The following PFKL variants were observed in gnomAD, a reference collection of about 807,000 sequenced individuals.
The protein encoded by PFKL is ATP-dependent 6-phosphofructokinase, liver type.
In PFKL, 74 loss-of-function variants were observed where a neutral mutation model predicts 92.1. That is an observed-to-expected ratio of 0.80 (90% CI 0.67 to 0.97). PFKL has a LOEUF of 0.97. Ranked by LOEUF, PFKL falls within the 50% of genes least tolerant of loss-of-function variation. The pLI, the probability that PFKL is intolerant of heterozygous loss-of-function variation, is 0.00. For synonymous variants in PFKL, 494 were observed against 456.4 expected, an observed-to-expected ratio of 1.08 and a Z score of -1.05; for missense variants, 1,028 against 1,116.6, an observed-to-expected ratio of 0.92 and a Z score of 1.13.
chr21:44,307,331 A>AT, intron 2 of PFKL: 1 of 984,498 alleles, frequency 1.0e-6, no homozygotes, highest in Non-Finnish European at 1.2e-6. Context: ...CGTCCTGGGT[A>AT]TTTACACACC....
Position 44,312,412 on chromosome 21 carries a change from G to C in PFKL, c.427+118G>C, listed in dbSNP as rs535417269. On this transcript the variant is annotated intron_variant, in intron 4 of 21. Coordinates refer to ENST00000349048, the MANE Select transcript of PFKL (RefSeq NM_002626.6). The stretch of plus-strand genomic sequence containing the variant: ...CCCTGGGTGCCCCGAGGCAGAGGAG[G>C]GGCTGTCTGGCCGTTGGCCGGGGAG... 98 of 960,420 alleles carry C rather than the reference G, an allele frequency of 1.0e-4. No homozygotes were observed. The African/African-American group carries it at 1.5e-3, about 15-fold the overall frequency. The allele number at this position is 960,420 out of a possible 1,614,324, so 59.5% of individuals were successfully genotyped here.
At chr21:44,318,301 G>A (rs941303955) in intron 9 of PFKL, among the ~76,000 whole-genome samples, 169 bp from the exon 10 acceptor site, 1 of 152,240 alleles carries the variant, frequency 6.6e-6, no homozygotes, top group African/African-American at 2.4e-5. Context: ...CTGGTGTGCC[G>A]TCGTGAATGC....
At position 44,314,003 on chromosome 21, in the gene PFKL, G is replaced by A. The variant is rs1340328302; in HGVS notation, c.729G>A (p.Met243Ile). 1.2e-6 allele frequency: 2 copies of A among 1,606,506 alleles called. No individual in the cohort carries two copies. The highest frequency in any genetic ancestry group is 1.7e-5 in the Admixed American group (1 of 58,918). The change falls in exon 7 of 22, where the codon ATG becomes ATA. Residue 243 changes from methionine (M) to isoleucine (I), a missense_variant. Coordinates refer to ENST00000349048, the MANE Select transcript of PFKL (RefSeq NM_002626.6). ...CCGAGGACGGCTGGGAGAACTTCAT[G>A]TGTGAGAGGCTGGGTGAGGTGGGTG... ...APPEDGWENF[M>I]CERLGETRSR...
chr21:44,315,237 C>T (rs2047172089), intron 7 of PFKL: 1 of 152,312 alleles, frequency 6.6e-6, no homozygotes, highest in African/African-American at 2.4e-5. Context: ...ATTGGGCCCT[C>T]CTGGAAGTGG....
chr21:44,300,295 G>T, intron 1 of PFKL, 105 bp downstream of exon 1: 1 of 418,808 alleles, frequency 2.4e-6, no homozygotes, highest in Non-Finnish European at 3.3e-6. Context: ...TCTCGGGCCG[G>T]CCCGGCCTCC....
At chr21:44,321,667 T>C in intron 12 of PFKL, 62 bp from the exon 13 acceptor site, 5 of 1,452,420 alleles carry the variant, frequency 3.4e-6, no homozygotes, top group Non-Finnish European at 4.5e-6. Flanking sequence ...GCTGACCTCC[T>C]GTGCAGGTTG....
In PFKL at chr21:44,312,376, G is replaced by A; in HGVS notation, c.427+82G>A. ...AGGCGTGGGAATGGGCAGGACAGAG[G>A]GACGAGGGATCCCTGGGTGCCCCGA... On this transcript the variant is annotated intron_variant, in intron 4 of 21. Transcript: ENST00000349048. The A allele has an allele frequency of 1.4e-5, 18 of 1,303,556 alleles. No homozygotes were observed. The South Asian group carries it at 2.5e-4, about 18-fold the overall frequency. 80.7% of individuals were successfully genotyped at this position (1,303,556 alleles called of 1,614,324 possible). A position where few individuals can be genotyped will look rare whatever the true frequency, so the allele number is the denominator to read the frequency against.
At chr21:44,315,156 C>T (rs2047169421) in intron 7 of PFKL, 1 of 152,340 alleles carries the variant, frequency 6.6e-6, no homozygotes, top group Admixed American at 6.5e-5. Context: ...GCTTGCTCTC[C>T]TAGGGCAGGG....
At chr21:44,314,166 GC>G (rs1028743249) in intron 7 of PFKL, 145 bp downstream of exon 7, 4 of 644,650 alleles carry the variant, frequency 6.2e-6, no homozygotes, top group Non-Finnish European at 1.1e-5. Context: ...GGCGGGACAC[GC>G]AAGGAGTGGG....
At position 44,302,138 on chromosome 21, in the gene PFKL, C is replaced by T. The variant is rs1248147264; in HGVS notation, c.85+1948C>T. ...CCAGTGCCTGATATGGAGTGGGCAGCGCTTCCTGGCTGCAGCTGGGAGGGT... is the reference window on the plus strand; with the variant it reads ...CCAGTGCCTGATATGGAGTGGGCAGTGCTTCCTGGCTGCAGCTGGGAGGGT... On this transcript the variant is annotated intron_variant, in intron 1 of 21. Transcript: ENST00000349048. Among the ~76,000 whole-genome samples, 4 of 152,348 alleles carry T rather than the reference C, an allele frequency of 2.6e-5. 1 individual carries two copies. The highest frequency in any genetic ancestry group is 7.2e-5 in the African/African-American group (3 of 41,592).
In PFKL at chr21:44,325,172, T is replaced by A; in HGVS notation, c.1897T>A (p.Tyr633Asn). 1 of 1,612,100 alleles carries A rather than the reference T, an allele frequency of 6.2e-7. No homozygotes were observed. The highest frequency in any genetic ancestry group is 8.5e-7 in the Non-Finnish European group (1 of 1,178,866). Residue 633 changes from tyrosine (Y) to asparagine (N), a missense_variant, in exon 19 of 22, where the codon TAC becomes AAC. By Grantham distance (143) the Tyr-to-Asn change is moderately radical (BLOSUM62 -2). Coordinates refer to ENST00000349048, the MANE Select transcript of PFKL (RefSeq NM_002626.6). Reference protein sequence around the residue: ...LVLRNEKCHDYYTTEFLYNLY... With the variant: ...LVLRNEKCHDNYTTEFLYNLY... ...TCTCAGGAACGAGAAGTGCCATGAC[T>A]ACTACACCACGGAGTTCCTGTACAA...
At chr21:44,319,268 C>T (rs2047295056) in intron 10 of PFKL, 83 bp from the exon 11 acceptor site, 1 of 1,223,132 alleles carries the variant, frequency 8.2e-7, no homozygotes, top group Non-Finnish European at 1.2e-6. Flanking sequence ...GATCTGCCCT[C>T]GTCAGGCCCA....
At chr21:44,322,704 C>A (rs1047882987) in intron 14 of PFKL, among the ~76,000 whole-genome samples, 1 of 152,170 alleles carries the variant, frequency 6.6e-6, no homozygotes, top group Non-Finnish European at 1.5e-5. Context: ...GGAAGGGGTT[C>A]CCACGGGGAG....
intron 11 of PFKL, 193 bp from the exon 12 acceptor site, chr21:44,319,891 G>C: frequency 1.7e-6 from 1 of 573,862 alleles, no homozygotes; most frequent in Non-Finnish European, 3.1e-6. Flanking sequence ...GCGTGGCCTC[G>C]TGTTGTGTTG....
At chr21:44,304,242 C>G (rs758617634) in intron 1 of PFKL, 1 of 1,289,128 alleles carries the variant, frequency 7.8e-7, no homozygotes, top group Admixed American at 2.3e-5. Context: ...CCCTTGCTGA[C>G]CCCTGATCCT....
intron 19 of PFKL, 164 bp from the exon 20 acceptor site, chr21:44,325,796 CA>C (rs1366785630): frequency 3.6e-5 from 22 of 604,272 alleles, no homozygotes; most frequent in Admixed American, 3.2e-4. Context: ...AGAGAGCAGG[CA>C]GGGTCCTCGA....
In PFKL at chr21:44,325,975, C is replaced by A; in HGVS notation, c.2004C>A (p.Thr668=). The change falls in exon 20 of 22, where the codon ACC becomes ACA. Residue 668 remains threonine (T), a synonymous_variant. Transcript: ENST00000349048. ...CCTGTTTCCAGGGTGGCGCTCCAAC[C>A]CCCTTTGACCGGAACTATGGGACCA... is the stretch of plus-strand genomic sequence containing the variant. ...LGHLQQGGAP[T]PFDRNYGTKL... 3 of 1,613,544 alleles carry A rather than the reference C, an allele frequency of 1.9e-6. No homozygotes were observed. In the South Asian group the frequency reaches 3.3e-5, roughly 18 times the overall value.
At chr21:44,313,269 C>T (rs898111267) in intron 5 of PFKL, 126 bp downstream of exon 5, 9 of 1,077,326 alleles carry the variant, frequency 8.4e-6, no homozygotes, top group East Asian at 2.5e-5. Flanking sequence ...CCAGGCCAGC[C>T]GCCCTCAGCC....
In PFKL at chr21:44,323,837, C is replaced by T. The variant is rs774976214; in HGVS notation, c.1569C>T (p.Val523=). The stretch of plus-strand genomic sequence containing the variant: ...AGGAGCTCTGCATCGTCATGTGTGT[C>T]ATCCCAGCCACCATCAGCAACAACG... ...RYEELCIVMC[V]IPATISNNVP... The change falls in exon 16 of 22, where the codon GTC becomes GTT. Residue 523 remains valine, a synonymous_variant. Transcript: ENST00000349048. The T allele has an allele frequency of 6.8e-6, 11 of 1,613,298 alleles. No homozygotes were observed. In the African/African-American group the frequency reaches 1.1e-4, roughly 16 times the overall value.
Sources: gnomAD v4.1 joint callset for allele counts (sites outside exome capture counted in the v4.1 genomes callset) on GRCh38, gnomAD v4.1.1 for gene constraint, MANE v1.5 for transcripts, NCBI Gene and HGNC (gene_info 2026-07-23, HGNC 2026-07-21) for gene names.